Variants in SLC35D2 observed in about 807,000 individuals in gnomAD.
SLC35D2 encodes solute carrier family 35 member D2, also known as nucleotide sugar transporter SLC35D2.
Under a neutral mutation model 41.8 loss-of-function variants are expected in SLC35D2, and 43 were observed. The ratio of observed to expected loss-of-function variants is 1.03; its 90% CI spans 0.81 to 1.33. The LOEUF is 1.33. SLC35D2 is among the 40% of genes most tolerant of loss of function. The pLI is 0.00. For missense variants in SLC35D2, 380 were observed against 408.4 expected (o/e 0.93, Z 0.60); for synonymous variants, 150 against 163.9 (o/e 0.92, Z 0.65).
rs556589447 is a variant in SLC35D2, at chr9:96,329,399, T to A, written c.753-5230A>T. Among the ~76,000 whole-genome samples the A allele has an allele frequency of 1.5e-3, 228 of 152,046 alleles. 1 individual carries two copies. Among genetic ancestry groups the A allele is most frequent in the African/African-American group, 5.3e-3 (218 of 41,492 alleles). On this transcript the variant is annotated intron_variant, in intron 9 of 11. Transcript: ENST00000253270. ...GAACATGCCACCACATTTGCCTAAC[T>A]TTTTTCTGTAGAAATGAGTTCTCAT...
intron 9 of SLC35D2, among the ~76,000 whole-genome samples, chr9:96,335,792 G>A (rs567578740): frequency 3.3e-5 from 5 of 152,006 alleles, no homozygotes; most frequent in East Asian, 3.9e-4. Context: ...GGTGGCTCAC[G>A]CCTGTAATCC....
chr9:96,358,546 G>A (rs207470383), intron 4 of SLC35D2, among the ~76,000 whole-genome samples: 9 of 152,154 alleles, frequency 5.9e-5, no homozygotes, highest in Admixed American at 1.3e-4. Context: ...ATGAATCCAT[G>A]ATAGGAAAAC....
chr9:96,343,518 CA>C (rs1442351912), intron 8 of SLC35D2, among the ~76,000 whole-genome samples: 3 of 152,282 alleles, frequency 2.0e-5, no homozygotes, highest in Non-Finnish European at 2.9e-5. Flanking sequence ...GTGCATGTTT[CA>C]AAATGTCCGT....
At chr9:96,324,260 A>G (rs1828402474) in intron 9 of SLC35D2, 91 bp from the exon 10 acceptor site, 1 of 960,680 alleles carries the variant, frequency 1.0e-6, no homozygotes, top group Admixed American at 2.3e-5. Flanking sequence ...CCACACAAGC[A>G]CTTTAAGCGA....
chr9:96,357,982 G>A (rs1003527606), intron 4 of SLC35D2, among the ~76,000 whole-genome samples: 5 of 151,488 alleles, frequency 3.3e-5, no homozygotes, highest in African/African-American at 1.2e-4. Context: ...GAGGCTGCAA[G>A]TGAGCTGTGA....
chr9:96,344,024 T>C, intron 7 of SLC35D2, 28 bp from the exon 8 acceptor site: 1 of 1,467,762 alleles, frequency 6.8e-7, no homozygotes, highest in East Asian at 2.4e-5. Flanking sequence ...TAAAAACCAC[T>C]CAGTTTCAGA....
intron 9 of SLC35D2, among the ~76,000 whole-genome samples, chr9:96,334,512 A>C (rs144933052): frequency 0.13 from 20,121 of 152,020 alleles, 1,790 homozygotes; most frequent in East Asian, 0.29. Context: ...GTGGTGGGCA[A>C]CTGTAATCCC....
chr9:96,358,851 C>T (rs1271114788), intron 4 of SLC35D2, among the ~76,000 whole-genome samples: 2 of 151,324 alleles, frequency 1.3e-5, no homozygotes, highest in South Asian at 2.1e-4. Context: ...TAGCTGGGCA[C>T]GGTGGCAGGT....
chr9:96,347,112 A>G (rs868061165), intron 6 of SLC35D2, among the ~76,000 whole-genome samples: 51 of 152,328 alleles, frequency 3.3e-4, no homozygotes, highest in African/African-American at 1.0e-3. Flanking sequence ...CTGAGCAACA[A>G]GAGCGAAACT....
chr9:96,332,684 C>T (rs981555083), intron 9 of SLC35D2, among the ~76,000 whole-genome samples: 3 of 151,440 alleles, frequency 2.0e-5, no homozygotes, highest in African/African-American at 7.3e-5. Context: ...GAGGCTGAGG[C>T]AGGAGAATCG....
At chr9:96,331,191 C>A (rs1432495515) in intron 9 of SLC35D2, among the ~76,000 whole-genome samples, 7 of 152,152 alleles carry the variant, frequency 4.6e-5, no homozygotes, top group Admixed American at 3.3e-4. Flanking sequence ...AGCCACCATG[C>A]CCGCATGATG....
At chr9:96,329,069 A>G (rs1408624125) in intron 9 of SLC35D2, among the ~76,000 whole-genome samples, 7 of 150,066 alleles carry the variant, frequency 4.7e-5, no homozygotes, top group Non-Finnish European at 8.9e-5. Flanking sequence ...GCCTGGGCAA[A>G]CAGAGTGAGA....
intron 3 of SLC35D2, among the ~76,000 whole-genome samples, chr9:96,363,033 A>G (rs76756213): frequency 0.026 from 3,989 of 151,696 alleles, 78 homozygotes; most frequent in Middle Eastern, 0.054. Context: ...CGCCCGGCTA[A>G]TTTTTTTGTA....
At chr9:96,366,491 A>C (rs1830478311) in intron 2 of SLC35D2, among the ~76,000 whole-genome samples, 1 of 150,790 alleles carries the variant, frequency 6.6e-6, no homozygotes, top group African/African-American at 2.4e-5. Context: ...TTTCACTTAG[A>C]GACTACAAAG....
In SLC35D2 at chr9:96,382,490, C is replaced by CT. The variant is rs1238926572; in HGVS notation, c.158+986_158+987insA. On this transcript the variant is annotated intron_variant, in intron 1 of 11. Coordinates refer to ENST00000253270, the MANE Select transcript of SLC35D2 (RefSeq NM_007001.3). ...ATACACACACACACACACACACACA[C>CT]ACACACTATATATATATATATATAT... 2.3e-4 allele frequency among the ~76,000 whole-genome samples: 34 copies of CT among 144,932 alleles called. No individual in the cohort carries two copies. The South Asian group carries it at 4.4e-3, about 19-fold the overall frequency.
At chr9:96,366,162 T>C (rs1386029666) in intron 2 of SLC35D2, among the ~76,000 whole-genome samples, 7 of 151,606 alleles carry the variant, frequency 4.6e-5, no homozygotes, top group Non-Finnish European at 1.5e-5. Context: ...AATTAGTCAG[T>C]GTGGTGGTGC....
chr9:96,367,616 C>G (rs1830526209), intron 2 of SLC35D2, among the ~76,000 whole-genome samples: 1 of 152,056 alleles, frequency 6.6e-6, no homozygotes, highest in South Asian at 2.1e-4. Context: ...AACCCCGTCT[C>G]TACTAAAAAT....
At chr9:96,313,488 C>A (rs1338667726) in exon 12 of SLC35D2, among the ~76,000 whole-genome samples, 4 of 152,208 alleles carry the variant, frequency 2.6e-5, no homozygotes, top group African/African-American at 9.6e-5. Flanking sequence ...ATAAACTTCA[C>A]TGATTGCCCA....
intron 3 of SLC35D2, among the ~76,000 whole-genome samples, chr9:96,364,053 C>T (rs1289032446): frequency 6.6e-6 from 1 of 152,232 alleles, no homozygotes; most frequent in Non-Finnish European, 1.5e-5. Flanking sequence ...CAGTGGCTCA[C>T]ACCTGTAATC....
Sources: gnomAD v4.1 joint callset for allele counts (sites outside exome capture counted in the v4.1 genomes callset) on GRCh38, gnomAD v4.1.1 for gene constraint, MANE v1.5 for transcripts, NCBI Gene and HGNC (gene_info 2026-07-23, HGNC 2026-07-21) for gene names.